ZNF560: variants seen among roughly 807,000 people sequenced by gnomAD.
The protein encoded by ZNF560 is zinc finger protein 560.
In ZNF560, 54 loss-of-function variants were observed where a neutral mutation model predicts 81.8. The ratio of observed to expected loss-of-function variants is 0.66; its 90% CI spans 0.53 to 0.83. The LOEUF (loss-of-function observed/expected upper bound fraction) is 0.83. Among genes scored for constraint, ZNF560 ranks in the 40% least tolerant of loss-of-function variants. ZNF560 has a pLI of 0.00. For synonymous variants in ZNF560, 321 were observed against 317.9 expected, an observed-to-expected ratio of 1.01 and a Z score of -0.10; for missense variants, 940 against 932.4, an observed-to-expected ratio of 1.01 and a Z score of -0.11.
the ZNF560 span, among the ~76,000 whole-genome samples, chr19:9,454,467 G>C: frequency 6.6e-6 from 1 of 152,314 alleles, no homozygotes; most frequent in South Asian, 2.1e-4. Context: ...ATGGAACTAC[G>C]CTGGAGCACA....
In ZNF560 at chr19:9,467,152, G is replaced by C; in HGVS notation, c.1795C>G (p.Pro599Ala). 6.2e-7 allele frequency: 1 copy of C among 1,613,984 alleles called. No individual in the cohort carries two copies. The highest frequency in any genetic ancestry group is 8.5e-7 in the Non-Finnish European group (1 of 1,180,008). ...KHLRRHSGEK[P>A]YECKKCGKAF... Reference sequence around the variant, plus strand: ...TTTCCACATTTCTTACATTCATATGGCTTCTCTCCACTGTGTCTTCGTAAA... The same window carrying C: ...TTTCCACATTTCTTACATTCATATGCCTTCTCTCCACTGTGTCTTCGTAAA... The change falls in exon 10 of 10, where the codon CCA becomes GCA. Residue 599 changes from proline to alanine, a missense_variant. Physicochemically the swap from Pro to Ala is conservative, Grantham distance 27. Coordinates refer to ENST00000301480, the MANE Select transcript of ZNF560 (RefSeq NM_152476.3).
chr19:9,476,176 A>C (rs2073199029), intron 2 of ZNF560, among the ~76,000 whole-genome samples: 1 of 152,136 alleles, frequency 6.6e-6, no homozygotes, highest in Admixed American at 6.5e-5. Flanking sequence ...AATTGTGATA[A>C]TCCCCACATG....
At chr19:9,461,692 G>C (rs915371054), downstream of ZNF560, among the ~76,000 whole-genome samples, 1 of 152,082 alleles carries the variant, frequency 6.6e-6, no homozygotes, top group Non-Finnish European at 1.5e-5. Context: ...TAGCTAGTTT[G>C]GAATATGGAA....
At chr19:9,482,482 A>G (rs905908752) in intron 2 of ZNF560, among the ~76,000 whole-genome samples, 28 of 151,112 alleles carry the variant, frequency 1.9e-4, no homozygotes, top group Admixed American at 7.9e-4. Context: ...AGGAAGGAAG[A>G]AAGGAAGGAA....
intron 2 of ZNF560, among the ~76,000 whole-genome samples, chr19:9,478,452 C>G (rs78755059): frequency 0.038 from 5,566 of 147,834 alleles, 356 homozygotes; most frequent in African/African-American, 0.13. Flanking sequence ...AACAAGAAAA[C>G]AAAGCACAAA....
rs200187359 is a variant in ZNF560, at chr19:9,470,552, G to C, written c.322-34C>G. ...TCAGACACATGCTGATTTGAGCCAA[G>C]CAACATCTCCACCAATGTTGGCTGA... On this transcript the variant is annotated intron_variant, in intron 6 of 9. Transcript: ENST00000301480. 26 of 1,614,132 alleles carry C rather than the reference G, an allele frequency of 1.6e-5. No individual in the cohort carries two copies. The African/African-American group carries it at 3.5e-4, about 22-fold the overall frequency.
intron 2 of ZNF560, among the ~76,000 whole-genome samples, chr19:9,487,839 A>C (rs2073409576): frequency 6.6e-6 from 1 of 152,352 alleles, no homozygotes; most frequent in African/African-American, 2.4e-5. Flanking sequence ...CTGAGGCATC[A>C]AGAAAATATG....
downstream of ZNF560, among the ~76,000 whole-genome samples, chr19:9,465,767 C>T (rs146324901): frequency 2.1e-3 from 320 of 152,242 alleles, 1 homozygote; most frequent in African/African-American, 7.4e-3. Flanking sequence ...CCAAGGCGGG[C>T]AGATTACCTG....
chr19:9,467,603 A>G lies in ZNF560; in HGVS notation c.1344T>C (p.Phe448=), dbSNP rs755503832. The G allele has an allele frequency of 1.1e-5, 18 of 1,614,142 alleles. No homozygotes were observed. In the South Asian group the frequency reaches 1.5e-4, roughly 14 times the overall value. The part of the protein sequence containing the change: ...GKAFISYPSL[F]GHLRVHNGEK... The stretch of plus-strand genomic sequence containing the variant: ...CTCCATTATGAACTCTCAAATGTCC[A>G]AAAAGAGATGGGTAAGAAATAAAGG... Residue 448 remains phenylalanine, a synonymous_variant, in exon 10 of 10, where the codon TTT becomes TTC. Transcript: ENST00000301480.
chr19:9,449,100 C>G, the ZNF560 span, among the ~76,000 whole-genome samples: 1 of 152,168 alleles, frequency 6.6e-6, no homozygotes, highest in Non-Finnish European at 1.5e-5. Context: ...ATCACTGAGG[C>G]AGAAAACTAA....
chr19:9,466,788 G>A lies in ZNF560; in HGVS notation c.2159C>T (p.Ala720Val), dbSNP rs549467533. The part of the protein sequence containing the change: ...KPYKCKDCGK[A>V]FTCHSDLTNH... ...AGTAAGATCTGAATGACAAGTGAAG[G>A]CTTTCCCACAGTCCTTACATTTATA... The change falls in exon 10 of 10, where the codon GCC becomes GTC. Residue 720 changes from alanine to valine, a missense_variant. Ala to Val is a moderately conservative substitution (Grantham distance 64, BLOSUM62 0). Coordinates refer to ENST00000301480, the MANE Select transcript of ZNF560 (RefSeq NM_152476.3). The A allele has an allele frequency of 5.6e-6, 9 of 1,613,954 alleles. No homozygotes were observed. The highest frequency in any genetic ancestry group is 7.6e-6 in the Non-Finnish European group (9 of 1,179,998).
At chr19:9,502,520 CT>C (rs2144740420), upstream of ZNF560, among the ~76,000 whole-genome samples, 1 of 152,182 alleles carries the variant, frequency 6.6e-6, no homozygotes, top group East Asian at 1.9e-4. Context: ...TCCTGTTCTA[CT>C]TTTTTGGAGG....
Position 9,484,627 on chromosome 19 carries a change from C to CAAA in ZNF560, c.-56-9261_-56-9259dup, listed in dbSNP as rs60283585. 9.4e-3 allele frequency among the ~76,000 whole-genome samples: 751 copies of CAAA among 79,706 alleles called. 2 individuals carry two copies. The highest frequency in any genetic ancestry group is 0.036 in the Middle Eastern group (5 of 140). The allele number at this position is 79,706 out of a possible 152,430, so 52.3% of individuals were successfully genotyped here. A position where few individuals can be genotyped will look rare whatever the true frequency, so the allele number is the denominator to read the frequency against. On this transcript the variant is annotated intron_variant, in intron 2 of 9. Coordinates refer to ENST00000301480, the MANE Select transcript of ZNF560 (RefSeq NM_152476.3). Reference sequence around the variant, plus strand: ...TGAAACCCTGTCTCTACCGAAAATACAAAAAAAAAAAAAAAAAAATTAGCC... The same window carrying CAAA: ...TGAAACCCTGTCTCTACCGAAAATACAAAAAAAAAAAAAAAAAAAAAATTAGCC...
rs2073091711 is a variant in ZNF560, at chr19:9,469,653, C to T, written c.506G>A (p.Ser169Asn). The T allele has an allele frequency of 1.9e-6, 3 of 1,614,172 alleles. No homozygotes were observed. Among genetic ancestry groups the T allele is most frequent in the Non-Finnish European group, 2.5e-6 (3 of 1,180,020 alleles). Residue 169 changes from serine (S) to asparagine (N), a missense_variant, in exon 8 of 10, where the codon AGC becomes AAC. By Grantham distance (46) the Ser-to-Asn change is conservative. Transcript: ENST00000301480. ...ISWLEEEEEL[S>N]TLPRVLQEWK... ...ACCTTGGAGAACTCTTGGCAGTGTG[C>T]TCAACTCTTCCTCTTCCTCCAGCCA...
chr19:9,458,341 G>C, the ZNF560 span, among the ~76,000 whole-genome samples: 1 of 152,242 alleles, frequency 6.6e-6, no homozygotes, highest in African/African-American at 2.4e-5. Flanking sequence ...TGAAGGTACT[G>C]AGAATGTCTT....
chr19:9,493,283 C>T (rs2073501093), intron 2 of ZNF560, among the ~76,000 whole-genome samples: 2 of 152,156 alleles, frequency 1.3e-5, no homozygotes, highest in South Asian at 4.1e-4. Flanking sequence ...AAAAAATGTT[C>T]ATCGAAAAAG....
upstream of ZNF560, among the ~76,000 whole-genome samples, chr19:9,502,091 T>C (rs2073637595): frequency 6.6e-6 from 1 of 151,582 alleles, no homozygotes; most frequent in African/African-American, 2.4e-5. Context: ...GAGGCGCAGG[T>C]TGCAGTGAGC....
chr19:9,491,579 C>T (rs2073473856), intron 2 of ZNF560, among the ~76,000 whole-genome samples: 2 of 152,064 alleles, frequency 1.3e-5, no homozygotes, highest in Non-Finnish European at 2.9e-5. Context: ...GTAATCCCAG[C>T]ACTTTGGGAG....
intron 2 of ZNF560, among the ~76,000 whole-genome samples, chr19:9,493,038 G>A (rs952559535): frequency 1.3e-5 from 2 of 152,010 alleles, no homozygotes; most frequent in Non-Finnish European, 2.9e-5. Context: ...TTAACTGAAG[G>A]GATTAATCTC....
Sources: gnomAD v4.1 joint callset for allele counts (sites outside exome capture counted in the v4.1 genomes callset) on GRCh38, gnomAD v4.1.1 for gene constraint, MANE v1.5 for transcripts, NCBI Gene and HGNC (gene_info 2026-07-23, HGNC 2026-07-21) for gene names.